The following RASGRP3 variants were observed in gnomAD, a reference collection of about 807,000 sequenced individuals.
The protein encoded by RASGRP3 is ras guanyl-releasing protein 3.
In RASGRP3, 54 loss-of-function variants were observed where a neutral mutation model predicts 82.7. The observed-to-expected ratio is 0.65, with a 90% confidence interval of 0.52 to 0.82. RASGRP3 has a LOEUF of 0.82. RASGRP3 is among the 40% of genes least tolerant of loss of function. The pLI is 0.00. For synonymous variants in RASGRP3, 309 were observed against 300.5 expected (o/e 1.03, Z -0.29); for missense variants, 861 against 828.9 (o/e 1.04, Z -0.48).
At chr2:33,493,478 G>C (rs1669035717) in intron 1 of RASGRP3, among the ~76,000 whole-genome samples, 1 of 152,182 alleles carries the variant, frequency 6.6e-6, no homozygotes, top group South Asian at 2.1e-4. Context: ...GCCAAGGTTT[G>C]AGTGGCTAAA....
intron 17 of RASGRP3, among the ~76,000 whole-genome samples, chr2:33,562,524 G>A (rs938179347): frequency 6.6e-6 from 1 of 152,046 alleles, no homozygotes; most frequent in Non-Finnish European, 1.5e-5. Context: ...TCCCACCTCA[G>A]CCTCCCAAAG....
intron 1 of RASGRP3, among the ~76,000 whole-genome samples, chr2:33,441,796 A>G (rs1370400634): frequency 2.6e-5 from 4 of 152,248 alleles, no homozygotes; most frequent in Non-Finnish European, 4.4e-5. Context: ...TTTTAGTAAA[A>G]AGCAAAAAGT....
chr2:33,485,463 G>T (rs2150947832), intron 1 of RASGRP3, among the ~76,000 whole-genome samples: 1 of 152,252 alleles, frequency 6.6e-6, no homozygotes, highest in South Asian at 2.1e-4. Flanking sequence ...TCTTTGGCAG[G>T]GTGCTACTGC....
chr2:33,527,555 A>C (rs1672701942), intron 10 of RASGRP3, 143 bp downstream of exon 10: 1 of 887,972 alleles, frequency 1.1e-6, no homozygotes, highest in African/African-American at 1.7e-5. Flanking sequence ...CTCATAGAAC[A>C]AGGGAAAAGG....
At position 33,549,744 on chromosome 2, in the gene RASGRP3, C is replaced by T. The variant is rs199562103; in HGVS notation, c.1535C>T (p.Ala512Val). 11 of 1,612,608 alleles carry T rather than the reference C, an allele frequency of 6.8e-6. No individual in the cohort carries two copies. The highest frequency in any genetic ancestry group is 2.2e-5 in the East Asian group (1 of 44,862). ...AAGCCAACCTTCTGCGAACACTGTG[C>T]GGGATTTGTAAGTCTGTTTTCCGTT... ...YLKPTFCEHC[A>V]GFLWGIIKQG... is the part of the protein sequence containing the mutation. The change falls in exon 14 of 18, where the codon GCG (alanine) becomes GTG (valine). Residue 512 changes from alanine (A) to valine (V), a missense_variant. Coordinates refer to ENST00000403687, the MANE Select transcript of RASGRP3 (RefSeq NM_001139488.2).
chr2:33,515,027 A>G lies in RASGRP3; in HGVS notation c.-110A>G. On this transcript the variant is annotated 5_prime_UTR_variant, in exon 3 of 18. Coordinates refer to ENST00000403687, the MANE Select transcript of RASGRP3 (RefSeq NM_001139488.2). Reference sequence around the variant, plus strand: ...TTTTTTAGAGTTTTCTTGAAGTACAACTAAGGACAGGTCACCACTAGGCAC... The same window carrying G: ...TTTTTTAGAGTTTTCTTGAAGTACAGCTAAGGACAGGTCACCACTAGGCAC... The G allele has an allele frequency of 9.9e-7, 1 of 1,011,414 alleles. No homozygotes were observed. The highest frequency in any genetic ancestry group is 1.3e-5 in the South Asian group (1 of 76,932). 62.7% of individuals were successfully genotyped at this position (1,011,414 alleles called of 1,614,324 possible).
rs1676977778 is a variant in RASGRP3 at position 33,563,970 on chromosome 2, T to G, written c.*1233T>G. ...GCCTGTGAATGACAGGAATGATCTA[T>G]TACCAGGTGACTAGTCGGAAACTAC... On this transcript the variant is annotated 3_prime_UTR_variant, in exon 18 of 18. Transcript: ENST00000403687. The G allele has an allele frequency of 6.6e-6, 1 of 152,170 alleles. No individual in the cohort carries two copies. The highest frequency in any genetic ancestry group is 2.4e-5 in the African/African-American group (1 of 41,444). 9.4% of individuals were successfully genotyped at this position (152,170 alleles called of 1,614,324 possible).
rs1468761285 is a variant in RASGRP3 at position 33,496,559 on chromosome 2, A to G, written c.-260-15151A>G. On this transcript the variant is annotated intron_variant, in intron 1 of 17. Coordinates refer to ENST00000403687, the MANE Select transcript of RASGRP3 (RefSeq NM_001139488.2). ...GACATGAGGAATTTTCTAGTTGTCA[A>G]AAAATAAATGTTTGGGCTGGGCACA... Among the ~76,000 whole-genome samples, 4 of 152,348 alleles carry G rather than the reference A, an allele frequency of 2.6e-5. No homozygotes were observed. The East Asian group carries it at 7.7e-4, about 29-fold the overall frequency.
intron 2 of RASGRP3, among the ~76,000 whole-genome samples, chr2:33,457,204 T>C (rs895115870): frequency 6.6e-6 from 1 of 152,154 alleles, no homozygotes; most frequent in Non-Finnish European, 1.5e-5. Flanking sequence ...TTATTTCCCA[T>C]TGTTTTCTTC....
intron 1 of RASGRP3, among the ~76,000 whole-genome samples, chr2:33,506,325 CAT>C (rs1455899249): frequency 6.6e-6 from 1 of 152,178 alleles, no homozygotes; most frequent in Non-Finnish European, 1.5e-5. Flanking sequence ...AGTAGAAAAA[CAT>C]AAATTTTTGG....
At chr2:33,543,408 C>A in intron 12 of RASGRP3, 104 bp from the exon 13 acceptor site, 1 of 663,678 alleles carries the variant, frequency 1.5e-6, no homozygotes, top group Non-Finnish European at 2.6e-6. Context: ...AGATTCTAAC[C>A]TCCTTGATAG....
At chr2:33,542,926 C>T (rs886476397) in intron 12 of RASGRP3, among the ~76,000 whole-genome samples, 1 of 152,160 alleles carries the variant, frequency 6.6e-6, no homozygotes, top group Non-Finnish European at 1.5e-5. Flanking sequence ...TTCCTGACCT[C>T]AGGTGATCCA....
intron 10 of RASGRP3, among the ~76,000 whole-genome samples, chr2:33,528,355 A>C (rs932256968): frequency 2.0e-5 from 3 of 152,216 alleles, no homozygotes; most frequent in Admixed American, 1.3e-4. Flanking sequence ...TGTGGCACAC[A>C]TGTTTAGCTG....
rs1256148431 is a variant in RASGRP3, at chr2:33,539,482, CAACAGCTCAAGGG to C, written c.1278+274_1278+286del. 5.8e-5 allele frequency: 18 copies of C among 309,390 alleles called. No individual in the cohort carries two copies. The East Asian group carries it at 1.0e-3, about 17-fold the overall frequency. 19.2% of individuals were successfully genotyped at this position (309,390 alleles called of 1,614,324 possible). A position where few individuals can be genotyped will look rare whatever the true frequency, so the allele number is the denominator to read the frequency against. On this transcript the variant is annotated intron_variant, in intron 12 of 17. Transcript: ENST00000403687. ...AGGCATTTGCCACCTCTGTCATTGT[CAACAGCTCAAGGG>C]ATTGGGGATTAGAATCACTCATGAA... is the stretch of plus-strand genomic sequence containing the variant.
Position 33,543,565 on chromosome 2 carries a change from C to A in RASGRP3, c.1332C>A (p.Asp444Glu). The A allele has an allele frequency of 6.2e-7, 1 of 1,612,262 alleles. No homozygotes were observed. The change falls in exon 13 of 18, where the codon GAC becomes GAA. Residue 444 changes from aspartate to glutamate, a missense_variant. Coordinates refer to ENST00000403687, the MANE Select transcript of RASGRP3 (RefSeq NM_001139488.2). The part of the protein sequence containing the change: ...HDHDGYISQE[D>E]FESIAANFPF... Reference sequence around the variant, plus strand: ...ATGATGGGTACATTTCCCAAGAGGACTTTGAAAGTATAGCTGCCAATTTTC... The same window carrying A: ...ATGATGGGTACATTTCCCAAGAGGAATTTGAAAGTATAGCTGCCAATTTTC...
intron 1 of RASGRP3, among the ~76,000 whole-genome samples, chr2:33,442,210 A>G (rs1297927516): frequency 6.6e-6 from 1 of 152,234 alleles, no homozygotes; most frequent in Non-Finnish European, 1.5e-5. Context: ...CTAAAAATAC[A>G]AAACTTAGCC....
intron 11 of RASGRP3, among the ~76,000 whole-genome samples, chr2:33,536,333 A>AC (rs1417081701): frequency 6.7e-6 from 1 of 150,114 alleles, no homozygotes; most frequent in Non-Finnish European, 1.5e-5. Context: ...AAAAAAAAAA[A>AC]AAAACGACAG....
chr2:33,461,388 C>A (rs1243504764), intron 2 of RASGRP3, among the ~76,000 whole-genome samples: 2 of 152,192 alleles, frequency 1.3e-5, no homozygotes, highest in East Asian at 3.8e-4. Context: ...AAGTCATTCT[C>A]CTGCCTCAGC....
At chr2:33,463,676 G>C (rs527649352) in intron 2 of RASGRP3, among the ~76,000 whole-genome samples, 1 of 142,824 alleles carries the variant, frequency 7.0e-6, no homozygotes, top group South Asian at 2.2e-4. Context: ...TTGGCTCACT[G>C]CAACCTCTGC....
Sources: gnomAD v4.1 joint callset for allele counts (sites outside exome capture counted in the v4.1 genomes callset) on GRCh38, gnomAD v4.1.1 for gene constraint, MANE v1.5 for transcripts, NCBI Gene and HGNC (gene_info 2026-07-23, HGNC 2026-07-21) for gene names.